Variants in WDFY3 observed in about 807,000 individuals in gnomAD.
The protein encoded by WDFY3 is WD repeat and FYVE domain containing 3.
In WDFY3, 66 loss-of-function variants were observed where a neutral mutation model predicts 409.6. The ratio of observed to expected loss-of-function variants is 0.16; its 90% CI spans 0.13 to 0.20. The LOEUF is 0.20. Among genes scored for constraint, WDFY3 ranks in the 10% least tolerant of loss-of-function variants. The probability of loss-of-function intolerance (pLI) is 1.00; values close to 1 mark genes in which losing one functional copy is unlikely to be tolerated. For missense variants in WDFY3, 3,031 were observed against 4,298.1 expected (o/e 0.71, Z 8.24); for synonymous variants, 1,521 against 1,537.1 (o/e 0.99, Z 0.25).
At chr4:84,816,616 T>C (rs1753338140) in intron 13 of WDFY3, among the ~76,000 whole-genome samples, 1 of 152,158 alleles carries the variant, frequency 6.6e-6, no homozygotes, top group Non-Finnish European at 1.5e-5. Context: ...TATTTAATAG[T>C]CTACTTTTCC....
At chr4:84,712,722 T>G (rs1175305817) in intron 51 of WDFY3, among the ~76,000 whole-genome samples, 1 of 151,764 alleles carries the variant, frequency 6.6e-6, no homozygotes, top group Non-Finnish European at 1.5e-5. Context: ...CTCTTAACAA[T>G]AATTAAAAAA....
At chr4:84,810,444 T>C in intron 13 of WDFY3, 100 bp from the exon 14 acceptor site, 1 of 1,040,808 alleles carries the variant, frequency 9.6e-7, no homozygotes, top group Non-Finnish European at 1.3e-6. Context: ...TCTGTGAATC[T>C]GACATGTTTT....
chr4:84,847,179 T>C (rs1357423675), intron 5 of WDFY3, among the ~76,000 whole-genome samples: 2 of 151,996 alleles, frequency 1.3e-5, no homozygotes, highest in African/African-American at 4.8e-5. Flanking sequence ...GTCAGGCATA[T>C]ATCTTCCAAG....
chr4:84,804,450 G>A (rs181660170), intron 15 of WDFY3, among the ~76,000 whole-genome samples: 205 of 152,208 alleles, frequency 1.3e-3, no homozygotes, highest in Non-Finnish European at 2.4e-3. Flanking sequence ...AAAAAATACC[G>A]TTCTCTTTTT....
At chr4:84,675,720 G>A (rs1726158722) in intron 67 of WDFY3, among the ~76,000 whole-genome samples, 1 of 152,004 alleles carries the variant, frequency 6.6e-6, no homozygotes, top group African/African-American at 2.4e-5. Flanking sequence ...TGCTTTCTAT[G>A]AAAGCATCTC....
chr4:84,752,840 T>C (rs1370384669), intron 35 of WDFY3, among the ~76,000 whole-genome samples: 1 of 152,220 alleles, frequency 6.6e-6, no homozygotes, highest in African/African-American at 2.4e-5. Context: ...GTGTGTTTTA[T>C]CTATTTATTT....
intron 1 of WDFY3, among the ~76,000 whole-genome samples, chr4:84,961,516 GAAT>G (rs1255928360): frequency 1.3e-5 from 2 of 151,914 alleles, no homozygotes; most frequent in Admixed American, 1.3e-4. Context: ...CTAAGCATTA[GAAT>G]AATTCCCTAA....
At chr4:84,817,635 A>T in intron 12 of WDFY3, 50 bp from the exon 13 acceptor site, 1 of 1,478,420 alleles carries the variant, frequency 6.8e-7, no homozygotes. Flanking sequence ...AAATATTCTG[A>T]GACAAGTCAG....
At chr4:84,803,108 T>C in intron 16 of WDFY3, 182 bp downstream of exon 16, 2 of 589,528 alleles carry the variant, frequency 3.4e-6, no homozygotes, top group Non-Finnish European at 5.4e-6. Context: ...TTCTAAAACA[T>C]ACATATCTAC....
At chr4:84,819,818 TA>T (rs1348282722) in intron 12 of WDFY3, among the ~76,000 whole-genome samples, 1 of 152,070 alleles carries the variant, frequency 6.6e-6, no homozygotes. Flanking sequence ...AGTGTATCAA[TA>T]AAAAATTAGA....
rs781497092 is a variant in WDFY3, at chr4:84,860,588, T to C, written c.4A>G (p.Asn2Asp). 6.3e-6 allele frequency: 10 copies of C among 1,599,238 alleles called. No individual in the cohort carries two copies. In the South Asian group the frequency reaches 1.1e-4, roughly 18 times the overall value. The change falls in exon 4 of 68, where the codon AAC becomes GAC. Residue 2 changes from asparagine (N) to aspartate (D), a missense_variant. Transcript: ENST00000295888. M[N>D]MVKRIMGRPR... ...CGCCCCATGATCCTCTTCACCATGT[T>C]CATCTTGGCTGGTTGGTGAGACGCA...
chr4:84,836,306 T>C (rs780467770), intron 7 of WDFY3, among the ~76,000 whole-genome samples: 1 of 152,168 alleles, frequency 6.6e-6, no homozygotes, highest in Non-Finnish European at 1.5e-5. Context: ...ATTAGACCAA[T>C]GGACAGATTA....
chr4:84,953,100 T>TA (rs372763457), intron 1 of WDFY3, among the ~76,000 whole-genome samples: 23 of 146,686 alleles, frequency 1.6e-4, no homozygotes, highest in Non-Finnish European at 2.4e-4. Flanking sequence ...TATTCAGCCT[T>TA]AAAAAAAAAA....
At chr4:84,806,319 G>A (rs1751496076) in intron 15 of WDFY3, among the ~76,000 whole-genome samples, 1 of 152,170 alleles carries the variant, frequency 6.6e-6, no homozygotes. Flanking sequence ...ACCTGAAAAT[G>A]TCAACAATCA....
intron 10 of WDFY3, among the ~76,000 whole-genome samples, chr4:84,824,012 A>G (rs1560852888): frequency 6.6e-6 from 1 of 152,206 alleles, no homozygotes; most frequent in Admixed American, 6.5e-5. Flanking sequence ...AGTCAAATAA[A>G]TGTCCATCAA....
intron 15 of WDFY3, among the ~76,000 whole-genome samples, chr4:84,807,305 G>C (rs1198397643): frequency 3.3e-5 from 5 of 152,066 alleles, no homozygotes; most frequent in African/African-American, 9.7e-5. Flanking sequence ...ATTCATTTAA[G>C]ACTATTCTGA....
At chr4:84,806,619 T>G (rs1051711990) in intron 15 of WDFY3, among the ~76,000 whole-genome samples, 2 of 152,184 alleles carry the variant, frequency 1.3e-5, no homozygotes, top group African/African-American at 4.8e-5. Context: ...TTCTGATGTA[T>G]TTTTGGAAAT....
chr4:84,958,159 G>T (rs1774475388), intron 1 of WDFY3, among the ~76,000 whole-genome samples: 1 of 152,180 alleles, frequency 6.6e-6, no homozygotes, highest in Non-Finnish European at 1.5e-5. Flanking sequence ...TGGGTTTCAG[G>T]GAAGCAGTGG....
chr4:84,957,030 A>C (rs1164910934), intron 1 of WDFY3, among the ~76,000 whole-genome samples: 1 of 151,920 alleles, frequency 6.6e-6, no homozygotes, highest in Non-Finnish European at 1.5e-5. Flanking sequence ...TAAGAAAATC[A>C]TTAATAATTT....
Sources: allele counts gnomAD v4.1 joint callset (sites outside exome capture counted in the v4.1 genomes callset), GRCh38; gene constraint gnomAD v4.1.1; transcripts MANE v1.5; gene names NCBI Gene and HGNC (gene_info 2026-07-23, HGNC 2026-07-21).